KHDRBS2: variants seen among roughly 807,000 people sequenced by gnomAD.
KHDRBS2 encodes KH domain-containing, RNA-binding, signal transduction-associated protein 2.
In KHDRBS2, 26 loss-of-function variants were observed where a neutral mutation model predicts 44.3. That is an observed-to-expected ratio of 0.59 (90% CI 0.43 to 0.81). The LOEUF (loss-of-function observed/expected upper bound fraction) is 0.81, where lower values mean the gene tolerates loss of function less well. Ranked by LOEUF, KHDRBS2 falls within the 40% of genes least tolerant of loss-of-function variation. KHDRBS2 has a pLI of 0.00. For missense variants in KHDRBS2, 476 were observed against 433.1 expected (o/e 1.10, Z -0.88); for synonymous variants, 194 against 151.1 (o/e 1.28, Z -2.08).
the KHDRBS2 span, among the ~76,000 whole-genome samples, chr6:61,564,405 C>T: frequency 6.6e-6 from 1 of 152,014 alleles, no homozygotes; most frequent in South Asian, 2.1e-4. Context: ...ATGTTAGCTC[C>T]TCCAGGTGGG....
chr6:61,551,278 A>T, the KHDRBS2 span, among the ~76,000 whole-genome samples: 1 of 152,046 alleles, frequency 6.6e-6, no homozygotes, highest in African/African-American at 2.4e-5. Context: ...CCTTTGTCAG[A>T]TGTATAGTCT....
rs181515118 is a variant in KHDRBS2, at chr6:62,095,984, T to C, written c.220-47990A>G. Among the ~76,000 whole-genome samples, 785 of 152,144 alleles carry C rather than the reference T, an allele frequency of 5.2e-3. 8 individuals carry two copies. Among genetic ancestry groups the C allele is most frequent in the African/African-American group, 0.018 (748 of 41,570 alleles). ...TTCATCTATTCGGATGATCATATAA[T>C]TTATGTTCTTCATTCTCGTCATGTG... On this transcript the variant is annotated intron_variant, in intron 2 of 8. Transcript: ENST00000281156.
At chr6:61,598,738 C>G in the KHDRBS2 span, among the ~76,000 whole-genome samples, 92,868 of 151,028 alleles carry the variant, frequency 0.61, 28,785 homozygotes, top group Non-Finnish European at 0.65. Flanking sequence ...AACTTTACAT[C>G]TCTCCCTGGT....
chr6:61,894,496 T>C, intron 6 of KHDRBS2, 139 bp downstream of exon 6: 1 of 679,966 alleles, frequency 1.5e-6, no homozygotes, highest in Non-Finnish European at 2.4e-6. Flanking sequence ...AATGCACTGC[T>C]TAAATTCTGT....
chr6:61,628,441 CA>C, the KHDRBS2 span, among the ~76,000 whole-genome samples: 1 of 152,064 alleles, frequency 6.6e-6, no homozygotes, highest in African/African-American at 2.4e-5. Context: ...CCCTGTTGTC[CA>C]AACTCCGCAG....
chr6:61,762,507 C>T (rs1779421493), intron 6 of KHDRBS2, among the ~76,000 whole-genome samples: 1 of 152,056 alleles, frequency 6.6e-6, no homozygotes, highest in African/African-American at 2.4e-5. Context: ...TCTATAAGTT[C>T]CCACTAGAGC....
At chr6:61,835,152 C>T (rs1418864868) in intron 6 of KHDRBS2, among the ~76,000 whole-genome samples, 1 of 151,990 alleles carries the variant, frequency 6.6e-6, no homozygotes, top group Non-Finnish European at 1.5e-5. Flanking sequence ...AATTTTGGAG[C>T]TTTTAACCTT....
At chr6:61,576,220 G>T in the KHDRBS2 span, among the ~76,000 whole-genome samples, 3 of 152,150 alleles carry the variant, frequency 2.0e-5, no homozygotes, top group Non-Finnish European at 4.4e-5. Flanking sequence ...CTATGAGTGT[G>T]AAATGTTGGT....
chr6:62,215,192 T>C (rs935573950), intron 1 of KHDRBS2, among the ~76,000 whole-genome samples: 1 of 151,772 alleles, frequency 6.6e-6, no homozygotes, highest in Non-Finnish European at 1.5e-5. Flanking sequence ...AAAATATAAC[T>C]TATATACACA....
chr6:62,173,346 G>A (rs552560035), intron 2 of KHDRBS2, among the ~76,000 whole-genome samples: 125 of 151,972 alleles, frequency 8.2e-4, no homozygotes, highest in Non-Finnish European at 1.7e-3. Flanking sequence ...GAAGAAACTG[G>A]TAAATTCCTG....
chr6:61,829,394 A>T (rs1189459499), intron 6 of KHDRBS2, among the ~76,000 whole-genome samples: 3 of 152,042 alleles, frequency 2.0e-5, no homozygotes, highest in Admixed American at 6.6e-5. Flanking sequence ...TAACTCCTGA[A>T]CTCAGGGAAT....
intron 6 of KHDRBS2, among the ~76,000 whole-genome samples, chr6:61,839,508 G>A (rs1793263947): frequency 6.6e-6 from 1 of 152,112 alleles, no homozygotes; most frequent in Non-Finnish European, 1.5e-5. Context: ...AGGATTCATT[G>A]TTGGTTAGGT....
At chr6:62,066,975 T>A (rs1265504522) in intron 2 of KHDRBS2, among the ~76,000 whole-genome samples, 1 of 151,592 alleles carries the variant, frequency 6.6e-6, no homozygotes, top group Non-Finnish European at 1.5e-5. Flanking sequence ...AGGTTAAATA[T>A]TAATTCAGCA....
chr6:62,078,608 T>C (rs1584556366), intron 2 of KHDRBS2, among the ~76,000 whole-genome samples: 1 of 152,106 alleles, frequency 6.6e-6, no homozygotes, highest in Middle Eastern at 3.4e-3. Context: ...AAAAGACTAC[T>C]ATTTGTAATT....
At chr6:62,139,966 C>A (rs1037192944) in intron 2 of KHDRBS2, among the ~76,000 whole-genome samples, 9 of 152,068 alleles carry the variant, frequency 5.9e-5, no homozygotes, top group African/African-American at 1.2e-4. Context: ...CTTTACCCAG[C>A]CCATTTTATT....
chr6:61,956,110 C>T (rs1452760721), intron 4 of KHDRBS2, among the ~76,000 whole-genome samples: 1 of 152,024 alleles, frequency 6.6e-6, no homozygotes, highest in African/African-American at 2.4e-5. Context: ...AGGAGAATCA[C>T]TTGAACCCGG....
intron 4 of KHDRBS2, among the ~76,000 whole-genome samples, chr6:61,929,976 C>G (rs994028942): frequency 6.6e-6 from 1 of 152,098 alleles, no homozygotes; most frequent in Admixed American, 6.6e-5. Context: ...AACTCCATTG[C>G]CAATGTGATA....
chr6:62,105,966 T>C (rs540017405), intron 2 of KHDRBS2, among the ~76,000 whole-genome samples: 1 of 152,316 alleles, frequency 6.6e-6, no homozygotes, highest in African/African-American at 2.4e-5. Flanking sequence ...CCAGAGATTC[T>C]GGTATGTTGT....
chr6:61,665,135 A>AC, the KHDRBS2 span, among the ~76,000 whole-genome samples: 3 of 151,546 alleles, frequency 2.0e-5, no homozygotes, highest in Non-Finnish European at 3.0e-5. Context: ...TTCTAATTTT[A>AC]CTTCCAATTA....
Sources: gnomAD v4.1 joint callset for allele counts (sites outside exome capture counted in the v4.1 genomes callset) on GRCh38, gnomAD v4.1.1 for gene constraint, MANE v1.5 for transcripts, NCBI Gene and HGNC (gene_info 2026-07-23, HGNC 2026-07-21) for gene names.